The following A1CF variants were observed in gnomAD, a reference collection of about 807,000 sequenced individuals.
A1CF encodes the protein APOBEC-1 stimulating protein.
A1CF carries 48 observed loss-of-function variants against 68.9 expected under a neutral mutation model. That is an observed-to-expected ratio of 0.70 (90% CI 0.55 to 0.89). The LOEUF is 0.89. Ranked by LOEUF, A1CF falls within the 40% of genes least tolerant of loss-of-function variation. The pLI is 0.00. For synonymous variants in A1CF, 272 were observed against 260.4 expected (o/e 1.04, Z -0.43); for missense variants, 653 against 718.9 (o/e 0.91, Z 1.05).
intron 3 of A1CF, among the ~76,000 whole-genome samples, chr10:50,857,444 A>G (rs1027868382): frequency 6.6e-6 from 1 of 152,168 alleles, no homozygotes; most frequent in Non-Finnish European, 1.5e-5. Flanking sequence ...CTATTTTTCC[A>G]TTGTTAACTG....
intron 5 of A1CF, among the ~76,000 whole-genome samples, chr10:50,838,922 T>A (rs1005758283): frequency 1.3e-5 from 2 of 152,156 alleles, no homozygotes; most frequent in Non-Finnish European, 1.5e-5. Context: ...CCAGTAACTT[T>A]CTCTTCCTAA....
At chr10:50,809,719 C>G (rs994055572) in intron 12 of A1CF, among the ~76,000 whole-genome samples, 175 bp downstream of exon 12, 1 of 152,198 alleles carries the variant, frequency 6.6e-6, no homozygotes, top group African/African-American at 2.4e-5. Flanking sequence ...GCTTGATTTT[C>G]TTGCCTCGTG....
Position 50,820,600 on chromosome 10 carries a change from G to A in A1CF, c.819C>T (p.Phe273=), listed in dbSNP as rs919036852. 3.7e-6 allele frequency: 6 copies of A among 1,613,408 alleles called. No homozygotes were observed. Among genetic ancestry groups the A allele is most frequent in the Admixed American group, 3.3e-5 (2 of 59,910 alleles). The part of the protein sequence containing the change: ...KKIRDYAFVH[F]SNREDAVEAM... ...CCTCAACTGCATCTTCTCGGTTACT[G>A]AAGTGCACAAAAGCATAGTCTCGAA... Residue 273 remains phenylalanine, a synonymous_variant, in exon 8 of 13, where the codon TTC becomes TTT. Coordinates refer to ENST00000373997, the MANE Select transcript of A1CF (RefSeq NM_014576.4).
intron 1 of A1CF, among the ~76,000 whole-genome samples, chr10:50,865,937 T>A (rs972315414): frequency 2.6e-5 from 4 of 152,222 alleles, no homozygotes; most frequent in African/African-American, 9.6e-5. Context: ...ATCTTGTACC[T>A]CATCTTTGTT....
chr10:50,799,775 A>G lies in A1CF; in HGVS notation c.*6954T>C, dbSNP rs1484094053. 1 of 152,194 alleles carries G rather than the reference A, an allele frequency of 6.6e-6. No individual in the cohort carries two copies. The highest frequency in any genetic ancestry group is 2.4e-5 in the African/African-American group (1 of 41,470). The allele number at this position is 152,194 out of a possible 1,614,324, so 9.4% of individuals were successfully genotyped here. On this transcript the variant is annotated 3_prime_UTR_variant, in exon 13 of 13. Coordinates refer to ENST00000373997, the MANE Select transcript of A1CF (RefSeq NM_014576.4). ...AAGAAAGAGATTGTTAAACATCTGG[A>G]AACTATAAATGCATTTTGCTGACAG...
chr10:50,872,283 G>A (rs1021988922), intron 1 of A1CF, among the ~76,000 whole-genome samples: 4 of 152,118 alleles, frequency 2.6e-5, no homozygotes, highest in African/African-American at 9.7e-5. Context: ...CATATGCTAT[G>A]TTCTGAAAAT....
chr10:50,845,675 C>T (rs1324218916), intron 3 of A1CF, among the ~76,000 whole-genome samples: 1 of 152,188 alleles, frequency 6.6e-6, no homozygotes, highest in African/African-American at 2.4e-5. Context: ...CCTTATTGGT[C>T]TGGCATGGTG....
intron 3 of A1CF, 27 bp downstream of exon 3, chr10:50,859,815 G>A (rs767094661): frequency 4.1e-5 from 65 of 1,599,674 alleles, no homozygotes; most frequent in Non-Finnish European, 5.3e-5. Flanking sequence ...TCAGTGGTGA[G>A]TCTCAGCAGA....
In A1CF at chr10:50,806,459, C is replaced by T. The variant is rs978330742; in HGVS notation, c.*270G>A. On this transcript the variant is annotated 3_prime_UTR_variant, in exon 13 of 13. Transcript: ENST00000373997. Reference sequence around the variant, plus strand: ...TGGCAGGATTTGTAAACATACTCCCCAAACACTCAGGAAGACTGGAAGAAC... The same window carrying T: ...TGGCAGGATTTGTAAACATACTCCCTAAACACTCAGGAAGACTGGAAGAAC... The T allele has an allele frequency of 2.3e-5, 5 of 221,126 alleles. No homozygotes were observed. In the Admixed American group the frequency reaches 2.3e-4, roughly 10 times the overall value. 13.7% of individuals were successfully genotyped at this position (221,126 alleles called of 1,614,324 possible).
intron 10 of A1CF, among the ~76,000 whole-genome samples, chr10:50,811,662 T>C (rs1311130098): frequency 6.6e-6 from 1 of 152,254 alleles, no homozygotes; most frequent in African/African-American, 2.4e-5. Flanking sequence ...AAAAGTTTAA[T>C]GCTTGGTATT....
At chr10:50,838,157 G>A (rs1310356560) in intron 5 of A1CF, among the ~76,000 whole-genome samples, 2 of 152,174 alleles carry the variant, frequency 1.3e-5, no homozygotes, top group African/African-American at 2.4e-5. Flanking sequence ...AGGTGAGTGG[G>A]CGATTGGTCT....
intron 8 of A1CF, among the ~76,000 whole-genome samples, chr10:50,817,214 G>T (rs1838414097): frequency 6.6e-6 from 1 of 152,198 alleles, no homozygotes; most frequent in Admixed American, 6.5e-5. Flanking sequence ...AAGGAACAAA[G>T]TATTGTCTGA....
intron 6 of A1CF, among the ~76,000 whole-genome samples, chr10:50,833,230 C>T (rs1839332341): frequency 6.6e-6 from 1 of 152,122 alleles, no homozygotes; most frequent in African/African-American, 2.4e-5. Flanking sequence ...AATGTGCAGT[C>T]CTGGGAGTAG....
chr10:50,828,351 C>T, intron 6 of A1CF, 56 bp from the exon 7 acceptor site: 1 of 1,365,936 alleles, frequency 7.3e-7, no homozygotes, highest in Non-Finnish European at 9.8e-7. Context: ...ACAACATCAT[C>T]TCAATTTATA....
At chr10:50,831,243 G>A (rs1839222748) in intron 6 of A1CF, among the ~76,000 whole-genome samples, 1 of 152,120 alleles carries the variant, frequency 6.6e-6, no homozygotes, top group South Asian at 2.1e-4. Context: ...GACAACAAAA[G>A]CAAAAATAGA....
intron 7 of A1CF, among the ~76,000 whole-genome samples, 194 bp downstream of exon 7, chr10:50,827,936 TA>T (rs1258551014): frequency 6.6e-6 from 1 of 151,342 alleles, no homozygotes; most frequent in Non-Finnish European, 1.5e-5. Context: ...ATAAGCACAA[TA>T]AAAAATGATA....
chr10:50,839,011 A>G (rs1035032297), intron 5 of A1CF, among the ~76,000 whole-genome samples: 4 of 152,102 alleles, frequency 2.6e-5, no homozygotes, highest in Non-Finnish European at 4.4e-5. Flanking sequence ...ACATTCATAG[A>G]GCACCTAGTA....
intron 4 of A1CF, among the ~76,000 whole-genome samples, chr10:50,843,540 A>G (rs1027310641): frequency 2.6e-5 from 4 of 152,372 alleles, no homozygotes; most frequent in South Asian, 4.1e-4. Context: ...CAAAAAATTC[A>G]GACCTGGAGA....
At chr10:50,807,455 C>T (rs1400583426) in intron 12 of A1CF, among the ~76,000 whole-genome samples, 2 of 152,152 alleles carry the variant, frequency 1.3e-5, no homozygotes, top group African/African-American at 2.4e-5. Flanking sequence ...AAATGCCTAA[C>T]CTGTCCATAT....
Sources: gnomAD v4.1 joint callset for allele counts (sites outside exome capture counted in the v4.1 genomes callset) on GRCh38, gnomAD v4.1.1 for gene constraint, MANE v1.5 for transcripts, NCBI Gene and HGNC (gene_info 2026-07-23, HGNC 2026-07-21) for gene names.